The following HKDC1 variants were observed in gnomAD, a reference collection of about 807,000 sequenced individuals.
HKDC1 encodes hexokinase domain containing 1, also known as hexokinase HKDC1.
Under a neutral mutation model 96.6 loss-of-function variants are expected in HKDC1, and 66 were observed. The ratio of observed to expected loss-of-function variants is 0.68; its 90% CI spans 0.56 to 0.84. The LOEUF is 0.84. Ranked by LOEUF, HKDC1 falls within the 40% of genes least tolerant of loss-of-function variation. The probability of loss-of-function intolerance (pLI) is 0.00; values close to 1 mark genes in which losing one functional copy is unlikely to be tolerated. For synonymous variants in HKDC1, 466 were observed against 473.1 expected, an observed-to-expected ratio of 0.98 and a Z score of 0.20; for missense variants, 1,211 against 1,208.1, an observed-to-expected ratio of 1.00 and a Z score of -0.04.
Position 69,267,064 on chromosome 10 carries a change from T to C in HKDC1, c.*307T>C. ...TTGAGCTGTCAATTCTCTATGGCTT[T>C]CAGTCTTGTGGCTGCGGGACTTGGA... is the stretch of plus-strand genomic sequence containing the variant. On this transcript the variant is annotated 3_prime_UTR_variant, in exon 18 of 18. Transcript: ENST00000354624. 3.9e-6 allele frequency: 1 copy of C among 254,870 alleles called. No homozygotes were observed. The highest frequency in any genetic ancestry group is 7.5e-6 in the Non-Finnish European group (1 of 133,790). 15.8% of individuals were successfully genotyped at this position (254,870 alleles called of 1,614,324 possible). A position where few individuals can be genotyped will look rare whatever the true frequency, so the allele number is the denominator to read the frequency against.
rs1589419171 is a variant in HKDC1 at position 69,267,188 on chromosome 10, C to G, written c.*431C>G. The G allele has an allele frequency of 3.9e-6, 1 of 257,166 alleles. No homozygotes were observed. The highest frequency in any genetic ancestry group is 1.1e-4 in the East Asian group (1 of 9,400). The allele number at this position is 257,166 out of a possible 1,614,324, so 15.9% of individuals were successfully genotyped here. On this transcript the variant is annotated 3_prime_UTR_variant, in exon 18 of 18. Coordinates refer to ENST00000354624, the MANE Select transcript of HKDC1 (RefSeq NM_025130.4). ...ATTGGACCCTGTACTTGTGGATGAA[C>G]ATTGGAGAGCAAGAGGAACTCACGT...
intron 6 of HKDC1, among the ~76,000 whole-genome samples, chr10:69,242,135 C>A (rs1843464356): frequency 6.6e-6 from 1 of 152,174 alleles, no homozygotes; most frequent in Admixed American, 6.5e-5. Context: ...TCCCTCAAGA[C>A]CCTCCTCAGC....
At chr10:69,256,256 AT>A (rs1488954079) in intron 12 of HKDC1, among the ~76,000 whole-genome samples, 1 of 152,226 alleles carries the variant, frequency 6.6e-6, no homozygotes, top group Admixed American at 6.5e-5. Context: ...GTAATTCTTT[AT>A]GGGTGTATAT....
intron 2 of HKDC1, among the ~76,000 whole-genome samples, chr10:69,229,242 C>T (rs369510915): frequency 5.9e-5 from 9 of 152,180 alleles, no homozygotes; most frequent in East Asian, 1.9e-4. Flanking sequence ...TGGGATCAGT[C>T]GTGTTCTGGA....
At chr10:69,261,443 C>G (rs1843809437) in intron 16 of HKDC1, 149 bp downstream of exon 16, 1 of 673,988 alleles carries the variant, frequency 1.5e-6, no homozygotes, top group Non-Finnish European at 2.5e-6. Flanking sequence ...CTCTTTCCAA[C>G]TGATTCAGGA....
Position 69,243,426 on chromosome 10 carries a change from C to G in HKDC1, c.875+61C>G, listed in dbSNP as rs1039766598. ...CCAGGCAGTGCCTAATCACTCAGGTCCCCTGGCTACCTGGGAGGCTTTCCA... is the reference window on the plus strand; with the variant it reads ...CCAGGCAGTGCCTAATCACTCAGGTGCCCTGGCTACCTGGGAGGCTTTCCA... On this transcript the variant is annotated intron_variant, in intron 7 of 17. Transcript: ENST00000354624. The G allele has an allele frequency of 1.0e-5, 14 of 1,393,890 alleles. No homozygotes were observed. In the Admixed American group the frequency reaches 1.3e-4, roughly 12 times the overall value. The allele number at this position is 1,393,890 out of a possible 1,614,324, so 86.3% of individuals were successfully genotyped here. A position where few individuals can be genotyped will look rare whatever the true frequency, so the allele number is the denominator to read the frequency against.
At chr10:69,228,867 A>AAAGAAAGAAAGAAAGGAAG (rs1034768722) in intron 2 of HKDC1, among the ~76,000 whole-genome samples, 3 of 150,766 alleles carry the variant, frequency 2.0e-5, no homozygotes, top group African/African-American at 7.5e-5. Flanking sequence ...CGCCATCAAA[A>AAAGAAAGAAAGAAAGGAAG]AAGAAAGAAA....
rs915136964 is a variant in HKDC1, at chr10:69,265,746, G to A, written c.2534G>A (p.Arg845Lys). ...AGLAAIVEKR[R>K]EDQGLEHLRI... ...CTGGCCGCTATAGTGGAAAAAAGGA[G>A]AGAAGACCAGGGGCTAGAGCACCTG... Residue 845 changes from arginine to lysine, a missense_variant, in exon 17 of 18, where the codon AGA (arginine) becomes AAA (lysine). Coordinates refer to ENST00000354624, the MANE Select transcript of HKDC1 (RefSeq NM_025130.4). The A allele has an allele frequency of 8.1e-6, 13 of 1,613,622 alleles. No homozygotes were observed. Among genetic ancestry groups the A allele is most frequent in the South Asian group, 1.1e-5 (1 of 91,048 alleles).
Position 69,240,676 on chromosome 10 carries a change from C to CTGGTCAATGACACCGTGGGGACCA in HKDC1, c.619_642dup (p.Val207_Met214dup). ...GGACATGGACGTGGACATCCTGGCC[C>CTGGTCAATGACACCGTGGGGACCA]TGGTCAATGACACCGTGGGGACCAT... is the stretch of plus-strand genomic sequence containing the variant. On this transcript the variant is annotated inframe_insertion, in exon 6 of 18. Transcript: ENST00000354624. 6.2e-7 allele frequency: 1 copy of CTGGTCAATGACACCGTGGGGACCA among 1,614,062 alleles called. No homozygotes were observed. Among genetic ancestry groups the CTGGTCAATGACACCGTGGGGACCA allele is most frequent in the Non-Finnish European group, 8.5e-7 (1 of 1,179,982 alleles).
intron 16 of HKDC1, 164 bp from the exon 17 acceptor site, chr10:69,265,421 T>G: frequency 1.6e-6 from 1 of 643,624 alleles, no homozygotes; most frequent in Non-Finnish European, 2.7e-6. Flanking sequence ...TGGACCTTCT[T>G]GAGTCTCGGC....
chr10:69,257,351 G>A lies in HKDC1; in HGVS notation c.1957G>A (p.Val653Ile), dbSNP rs770987104. The A allele has an allele frequency of 6.2e-7, 1 of 1,613,980 alleles. No individual in the cohort carries two copies. Among genetic ancestry groups the A allele is most frequent in the South Asian group, 1.1e-5 (1 of 91,084 alleles). Residue 653 changes from valine to isoleucine, a missense_variant, in exon 14 of 18, where the codon GTC becomes ATC. Physicochemically the swap from Val to Ile is conservative, Grantham distance 29. Coordinates refer to ENST00000354624, the MANE Select transcript of HKDC1 (RefSeq NM_025130.4). ...GGAGTTTGACCTGGACATTGTTGCA[G>A]TCGTGAATGATACAGTGGGGACCAT... ...RNEFDLDIVA[V>I]VNDTVGTMMT...
At position 69,220,477 on chromosome 10, in the gene HKDC1, GAAGGAGGACCAGATCAAGAAGGT is replaced by G; in HGVS notation, c.53_63+12del. On this transcript the variant is annotated splice_donor_variant and coding_sequence_variant, in exon 1 of 18. Transcript: ENST00000354624. LOFTEE classifies it high-confidence loss of function. ...TGATGGCATTTTACTTCAGCAAGCT[GAAGGAGGACCAGATCAAGAAGGT>G]AAGGAGGACCCACGAAGCTGAGAGA... 6.2e-7 allele frequency: 1 copy of G among 1,601,408 alleles called. No homozygotes were observed.
At chr10:69,222,306 A>C (rs1033360656) in intron 1 of HKDC1, among the ~76,000 whole-genome samples, 1 of 152,226 alleles carries the variant, frequency 6.6e-6, no homozygotes, top group African/African-American at 2.4e-5. Flanking sequence ...ACTAAATTCT[A>C]TTCATTTAGA....
Position 69,225,113 on chromosome 10 carries a change from T to C in HKDC1, c.64-2094T>C, listed in dbSNP as rs184001056. Reference sequence around the variant, plus strand: ...ATTGAAAGAGCAGCAGCAAACCAAGTGCTCAATGACCCCATTAAACCCCAG... The same window carrying C: ...ATTGAAAGAGCAGCAGCAAACCAAGCGCTCAATGACCCCATTAAACCCCAG... On this transcript the variant is annotated intron_variant, in intron 1 of 17. Transcript: ENST00000354624. Among the ~76,000 whole-genome samples, 116 of 152,352 alleles carry C rather than the reference T, an allele frequency of 7.6e-4. 2 individuals carry two copies. The highest frequency in any genetic ancestry group is 7.5e-3 in the South Asian group (36 of 4,832).
At chr10:69,231,054 C>G (rs1843251120) in intron 2 of HKDC1, among the ~76,000 whole-genome samples, 1 of 152,152 alleles carries the variant, frequency 6.6e-6, no homozygotes, top group Admixed American at 6.6e-5. Context: ...CACCATGTGG[C>G]ATCCATGAAA....
chr10:69,250,486 G>T (rs1304154108), intron 11 of HKDC1, 47 bp from the exon 12 acceptor site: 1 of 1,612,886 alleles, frequency 6.2e-7, no homozygotes, highest in Admixed American at 1.7e-5. Context: ...CTGCCACCCT[G>T]CATCGATGTC....
intron 10 of HKDC1, 179 bp downstream of exon 10, chr10:69,248,907 T>C (rs1843590181): frequency 1.7e-6 from 1 of 604,686 alleles, no homozygotes; most frequent in African/African-American, 1.8e-5. Context: ...CCAAGGCATT[T>C]GCAGTAAAAA....
At chr10:69,239,766 C>CTTTTT (rs33937984) in intron 5 of HKDC1, among the ~76,000 whole-genome samples, 3 of 126,642 alleles carry the variant, frequency 2.4e-5, no homozygotes, top group Non-Finnish European at 4.9e-5. Flanking sequence ...TTTCATTTTA[C>CTTTTT]TTTTTTTTTT....
At position 69,266,994 on chromosome 10, in the gene HKDC1, G is replaced by A; in HGVS notation, c.*237G>A. ...ATGGGCCAACTTATGAAATCAAAGT[G>A]TCTGTCCTGAGAGATCCCCTTTCAA... is the stretch of plus-strand genomic sequence containing the variant. On this transcript the variant is annotated 3_prime_UTR_variant, in exon 18 of 18. Transcript: ENST00000354624. The A allele has an allele frequency of 2.5e-6, 1 of 399,270 alleles. No individual in the cohort carries two copies. The highest frequency in any genetic ancestry group is 2.0e-5 in the African/African-American group (1 of 49,118). The allele number at this position is 399,270 out of a possible 1,614,324, so 24.7% of individuals were successfully genotyped here. A position where few individuals can be genotyped will look rare whatever the true frequency, so the allele number is the denominator to read the frequency against.
Sources: gnomAD v4.1 joint callset for allele counts (sites outside exome capture counted in the v4.1 genomes callset) on GRCh38, gnomAD v4.1.1 for gene constraint, MANE v1.5 for transcripts, NCBI Gene and HGNC (gene_info 2026-07-23, HGNC 2026-07-21) for gene names.